FANCC: variants seen among roughly 807,000 people sequenced by gnomAD.
FANCC encodes the protein Fanconi anemia group C protein.
Under a neutral mutation model 71.3 loss-of-function variants are expected in FANCC, and 55 were observed. That is an observed-to-expected ratio of 0.77 (90% CI 0.62 to 0.97). FANCC has a LOEUF of 0.97. FANCC is among the 50% of genes least tolerant of loss of function. FANCC has a pLI of 0.00. For missense variants in FANCC, 678 were observed against 670.9 expected (o/e 1.01, Z -0.12); for synonymous variants, 275 against 244.9 (o/e 1.12, Z -1.15).
intron 7 of FANCC, 26 bp downstream of exon 7, chr9:95,149,897 G>A: frequency 6.3e-7 from 1 of 1,577,536 alleles, no homozygotes; most frequent in Non-Finnish European, 8.6e-7. Context: ...AACGACGCAG[G>A]ATGACAGGAA....
intron 4 of FANCC, among the ~76,000 whole-genome samples, chr9:95,174,954 T>C (rs547988136): frequency 6.6e-6 from 1 of 152,162 alleles, no homozygotes; most frequent in Non-Finnish European, 1.5e-5. Context: ...CAAAATATTA[T>C]GTCAAATTCC....
chr9:95,189,936 G>C (rs1433913858), intron 4 of FANCC, among the ~76,000 whole-genome samples: 2 of 152,112 alleles, frequency 1.3e-5, no homozygotes, highest in African/African-American at 4.8e-5. Context: ...ACCCTTGAAG[G>C]GAAGGGGCTC....
chr9:95,145,580 C>T (rs903694267), intron 7 of FANCC: 12 of 152,106 alleles, frequency 7.9e-5, no homozygotes, highest in African/African-American at 2.2e-4. Flanking sequence ...GCAAAACAAA[C>T]TAATAACAAC....
intron 13 of FANCC, among the ~76,000 whole-genome samples, chr9:95,108,909 CTTT>C (rs59777183): frequency 1.4e-5 from 2 of 144,312 alleles, no homozygotes. Context: ...TCTTCAAGAC[CTTT>C]TTTTTTTTTT....
intron 4 of FANCC, among the ~76,000 whole-genome samples, chr9:95,195,710 C>T (rs1256840924): frequency 6.6e-6 from 1 of 152,206 alleles, no homozygotes; most frequent in African/African-American, 2.4e-5. Flanking sequence ...GAAGAACTGA[C>T]ATCTTTACTA....
At chr9:95,279,267 G>A (rs544580616) in intron 1 of FANCC, among the ~76,000 whole-genome samples, 5 of 151,734 alleles carry the variant, frequency 3.3e-5, no homozygotes, top group East Asian at 1.9e-4. Context: ...GCAGTGAGCC[G>A]AGCTCACACC....
chr9:95,131,589 C>G (rs1200993722), intron 8 of FANCC, among the ~76,000 whole-genome samples: 1 of 152,174 alleles, frequency 6.6e-6, no homozygotes, highest in Non-Finnish European at 1.5e-5. Flanking sequence ...AACCTCCCAG[C>G]TTTTAGCCAT....
chr9:95,207,426 A>T (rs1166882352), intron 4 of FANCC, among the ~76,000 whole-genome samples: 1 of 152,178 alleles, frequency 6.6e-6, no homozygotes, highest in Non-Finnish European at 1.5e-5. Context: ...CTGCCCAGTG[A>T]TCAAAGTCCT....
At chr9:95,312,540 AGGG>A (rs138215381) in intron 1 of FANCC, among the ~76,000 whole-genome samples, 35 of 152,252 alleles carry the variant, frequency 2.3e-4, no homozygotes, top group African/African-American at 7.9e-4. Flanking sequence ...TCTGTAGAAC[AGGG>A]GTTTTGCTAT....
At chr9:95,127,949 TTAAA>T (rs1826258985) in intron 8 of FANCC, among the ~76,000 whole-genome samples, 1 of 152,266 alleles carries the variant, frequency 6.6e-6, no homozygotes, top group Non-Finnish European at 1.5e-5. Flanking sequence ...GTCCTACTCT[TTAAA>T]TAATCTATGC....
intron 3 of FANCC, among the ~76,000 whole-genome samples, chr9:95,243,157 T>C (rs1335983418): frequency 2.6e-5 from 4 of 152,242 alleles, no homozygotes; most frequent in Non-Finnish European, 5.9e-5. Flanking sequence ...TGTTTTAAGC[T>C]GCTAAGTTTG....
At chr9:95,287,090 C>T (rs72752346) in intron 1 of FANCC, among the ~76,000 whole-genome samples, 1,741 of 152,192 alleles carry the variant, frequency 0.011, 11 homozygotes, top group South Asian at 0.033. Context: ...GTAAACTTAT[C>T]TCAGTCCCTA....
chr9:95,225,056 T>G (rs1183190949), intron 4 of FANCC, among the ~76,000 whole-genome samples: 1 of 152,110 alleles, frequency 6.6e-6, no homozygotes, highest in Non-Finnish European at 1.5e-5. Flanking sequence ...TAAGACAAAG[T>G]ATAATAATCT....
At chr9:95,160,011 T>G (rs1445736219) in intron 6 of FANCC, among the ~76,000 whole-genome samples, 3 of 152,224 alleles carry the variant, frequency 2.0e-5, no homozygotes, top group African/African-American at 4.8e-5. Context: ...TCTTTTGCTG[T>G]GCAGAAGCTC....
intron 1 of FANCC, among the ~76,000 whole-genome samples, chr9:95,305,583 A>G (rs1250885870): frequency 6.6e-6 from 1 of 152,238 alleles, no homozygotes; most frequent in Non-Finnish European, 1.5e-5. Context: ...TTATTTTTTA[A>G]TTGAACAATG....
chr9:95,240,330 C>G (rs929542850), intron 4 of FANCC, among the ~76,000 whole-genome samples: 1 of 152,150 alleles, frequency 6.6e-6, no homozygotes, highest in Non-Finnish European at 1.5e-5. Flanking sequence ...TAGGGAAAAA[C>G]AATTTTTTGA....
intron 4 of FANCC, among the ~76,000 whole-genome samples, chr9:95,220,814 A>G (rs1478753139): frequency 6.6e-6 from 1 of 152,252 alleles, no homozygotes; most frequent in Non-Finnish European, 1.5e-5. Flanking sequence ...ACATGTATAC[A>G]TATGTAACAA....
chr9:95,243,688 G>C (rs1830766661), intron 3 of FANCC, among the ~76,000 whole-genome samples: 1 of 152,080 alleles, frequency 6.6e-6, no homozygotes, highest in South Asian at 2.1e-4. Flanking sequence ...CAGCTACTTG[G>C]TAGGCTGAGG....
rs147253915 is a variant in FANCC, at chr9:95,122,171, C to T, written c.996+2915G>A. Among the ~76,000 whole-genome samples the T allele has an allele frequency of 9.2e-4, 140 of 152,160 alleles. 2 individuals are homozygous for T. In the East Asian group the frequency reaches 0.013, roughly 14 times the overall value. On this transcript the variant is annotated intron_variant, in intron 10 of 14. Transcript: ENST00000289081. ...CCACGCCTGGCACATAAAATTCAAA[C>T]CAGAGGTTACCTGGAGGGAGAGAGG...
Sources: allele counts gnomAD v4.1 joint callset (sites outside exome capture counted in the v4.1 genomes callset), GRCh38; gene constraint gnomAD v4.1.1; transcripts MANE v1.5; gene names NCBI Gene and HGNC (gene_info 2026-07-23, HGNC 2026-07-21).